Variants in SLC25A12 observed in about 807,000 individuals in gnomAD.
The protein encoded by SLC25A12 is solute carrier family 25 member 12, also known as electrogenic aspartate/glutamate antiporter SLC25A12, mitochondrial.
In SLC25A12, 32 loss-of-function variants were observed where a neutral mutation model predicts 83.3. That is an observed-to-expected ratio of 0.38 (90% CI 0.29 to 0.52). SLC25A12 has a LOEUF of 0.52. SLC25A12 is among the 20% of genes least tolerant of loss of function. SLC25A12 has a pLI of 0.84. For missense variants in SLC25A12, 611 were observed against 835.6 expected (o/e 0.73, Z 3.31); for synonymous variants, 267 against 291.1 (o/e 0.92, Z 0.84).
intron 2 of SLC25A12, among the ~76,000 whole-genome samples, chr2:171,881,636 C>T (rs1478443886): frequency 6.6e-6 from 1 of 152,120 alleles, no homozygotes; most frequent in Admixed American, 6.6e-5. Flanking sequence ...CAGCTTTATA[C>T]AGAATGTTCT....
chr2:171,873,484 C>A (rs1685498819), intron 2 of SLC25A12, among the ~76,000 whole-genome samples: 1 of 152,070 alleles, frequency 6.6e-6, no homozygotes, highest in African/African-American at 2.4e-5. Context: ...GGTGAAACAG[C>A]TTGAGGCCTG....
intron 6 of SLC25A12, 40 bp downstream of exon 6, chr2:171,837,081 T>A: frequency 6.2e-7 from 1 of 1,607,978 alleles, no homozygotes; most frequent in Non-Finnish European, 8.5e-7. Context: ...ATCAAAAGGT[T>A]TGAGGAAATA....
At chr2:171,809,533 A>G (rs186094233) in intron 13 of SLC25A12, 73 bp downstream of exon 13, 65 of 1,097,212 alleles carry the variant, frequency 5.9e-5, no homozygotes, top group Non-Finnish European at 8.6e-5. Flanking sequence ...TGCCACTAAG[A>G]TATCTATTAT....
intron 9 of SLC25A12, among the ~76,000 whole-genome samples, chr2:171,817,476 C>T (rs921599403): frequency 6.6e-6 from 1 of 151,418 alleles, no homozygotes; most frequent in Non-Finnish European, 1.5e-5. Context: ...GTGGCAGGTG[C>T]CTATAATCCC....
chr2:171,851,281 C>G (rs1184660158), intron 4 of SLC25A12, among the ~76,000 whole-genome samples: 5 of 151,646 alleles, frequency 3.3e-5, no homozygotes, highest in Non-Finnish European at 5.9e-5. Context: ...GCAACCTCCA[C>G]CTTCTGGTTT....
Position 171,783,650 on chromosome 2 carries a change from A to G in SLC25A12, c.*1624T>C, listed in dbSNP as rs1218785699. Among the ~76,000 whole-genome samples, 2 of 152,208 alleles carry G rather than the reference A, an allele frequency of 1.3e-5. No homozygotes were observed. On this transcript the variant is annotated 3_prime_UTR_variant, in exon 18 of 18. Coordinates refer to ENST00000422440, the MANE Select transcript of SLC25A12 (RefSeq NM_003705.5). ...AGGAGGGTAAGCGGGACACTTTCCC[A>G]TCTCACTCTAGATACATACATAGGA...
At chr2:171,885,298 T>C (rs1466274810) in intron 2 of SLC25A12, among the ~76,000 whole-genome samples, 1 of 152,050 alleles carries the variant, frequency 6.6e-6, no homozygotes, top group African/African-American at 2.4e-5. Flanking sequence ...AAAGTCTCAC[T>C]ATCCTGCTAG....
intron 8 of SLC25A12, among the ~76,000 whole-genome samples, chr2:171,829,646 C>T (rs927063033): frequency 5.3e-5 from 8 of 152,102 alleles, no homozygotes; most frequent in Admixed American, 1.3e-4. Flanking sequence ...AAATAACATA[C>T]AACAATGTAA....
At chr2:171,815,231 AT>A (rs779451244) in intron 9 of SLC25A12, 29 bp from the exon 10 acceptor site, 1 of 1,519,422 alleles carries the variant, frequency 6.6e-7, no homozygotes, top group East Asian at 2.3e-5. Context: ...GTAAAAAAAA[AT>A]CTTGAAAGCG....
At chr2:171,820,711 G>C (rs1371658085) in intron 9 of SLC25A12, among the ~76,000 whole-genome samples, 1 of 122,536 alleles carries the variant, frequency 8.2e-6, no homozygotes, top group Non-Finnish European at 1.7e-5. Context: ...CTGGGCGACA[G>C]AGCGAGACTC....
chr2:171,804,831 C>T (rs1015579977), intron 13 of SLC25A12, among the ~76,000 whole-genome samples: 53 of 152,296 alleles, frequency 3.5e-4, no homozygotes, highest in African/African-American at 1.2e-3. Context: ...TTGCCTGAGC[C>T]GGCAGTTCAA....
chr2:171,803,132 A>G (rs1317894583), intron 13 of SLC25A12, among the ~76,000 whole-genome samples: 1 of 152,056 alleles, frequency 6.6e-6, no homozygotes, highest in Non-Finnish European at 1.5e-5. Flanking sequence ...CAAAAAAAAA[A>G]AACCTAAAAA....
chr2:171,837,284 A>G lies in SLC25A12; in HGVS notation c.466-17T>C. The G allele has an allele frequency of 6.2e-7, 1 of 1,613,936 alleles. No individual in the cohort carries two copies. Among genetic ancestry groups the G allele is most frequent in the Non-Finnish European group, 8.5e-7 (1 of 1,179,862 alleles). On this transcript the variant is annotated splice_polypyrimidine_tract_variant and intron_variant, in intron 5 of 17. Coordinates refer to ENST00000422440, the MANE Select transcript of SLC25A12 (RefSeq NM_003705.5). ...TTGCAGCTCCTGTGAGGAAATTAGA[A>G]ATAGGGCATTAAGCTGGTTAAACAC...
chr2:171,800,380 A>C (rs1345132109), intron 13 of SLC25A12, among the ~76,000 whole-genome samples: 1 of 152,102 alleles, frequency 6.6e-6, no homozygotes, highest in African/African-American at 2.4e-5. Flanking sequence ...ACATGAAAAG[A>C]TAATCAACAT....
intron 17 of SLC25A12, among the ~76,000 whole-genome samples, chr2:171,786,449 A>G (rs1033647350): frequency 1.4e-4 from 21 of 152,174 alleles, no homozygotes; most frequent in African/African-American, 4.1e-4. Flanking sequence ...AAGATGAAAG[A>G]AGCATGGAAA....
intron 13 of SLC25A12, among the ~76,000 whole-genome samples, chr2:171,806,410 G>A (rs533221349): frequency 1.2e-4 from 18 of 152,270 alleles, no homozygotes; most frequent in African/African-American, 3.1e-4. Flanking sequence ...GGCCGAGATC[G>A]TGCCATTGCA....
chr2:171,862,262 G>A (rs1433102521), intron 3 of SLC25A12, among the ~76,000 whole-genome samples: 1 of 152,196 alleles, frequency 6.6e-6, no homozygotes, highest in Non-Finnish European at 1.5e-5. Flanking sequence ...ACAATTTCAA[G>A]TAAGCAACAG....
intron 3 of SLC25A12, among the ~76,000 whole-genome samples, chr2:171,861,249 T>C (rs1685154052): frequency 6.6e-6 from 1 of 152,106 alleles, no homozygotes. Context: ...TTGGGAGGAA[T>C]GAGAGAAAAA....
intron 4 of SLC25A12, 123 bp downstream of exon 4, chr2:171,855,711 T>C (rs531428118): frequency 1.3e-6 from 1 of 746,440 alleles, no homozygotes; most frequent in East Asian, 2.5e-5. Flanking sequence ...TAAATCCTTT[T>C]AGGAAATTCA....
Sources: allele counts gnomAD v4.1 joint callset (sites outside exome capture counted in the v4.1 genomes callset), GRCh38; gene constraint gnomAD v4.1.1; transcripts MANE v1.5; gene names NCBI Gene and HGNC (gene_info 2026-07-23, HGNC 2026-07-21).